The following DENND1A variants were observed in gnomAD, a reference collection of about 807,000 sequenced individuals.
DENND1A encodes DENN domain-containing protein 1A.
Under a neutral mutation model 113.7 loss-of-function variants are expected in DENND1A, and 51 were observed. The ratio of observed to expected loss-of-function variants is 0.45; its 90% confidence interval spans 0.36 to 0.57. The LOEUF (loss-of-function observed/expected upper bound fraction) is 0.57. Ranked by LOEUF, DENND1A falls within the 20% of genes least tolerant of loss-of-function variation. The pLI is 0.00. For missense variants in DENND1A, 1,258 were observed against 1,395.9 expected (o/e 0.90, Z 1.57); for synonymous variants, 565 against 570.8 (o/e 0.99, Z 0.14).
intron 1 of DENND1A, among the ~76,000 whole-genome samples, chr9:123,882,585 T>C (rs1848476238): frequency 6.6e-6 from 1 of 152,148 alleles, no homozygotes; most frequent in African/African-American, 2.4e-5. Flanking sequence ...ATCACTATCA[T>C]ATCACCTCGA....
At chr9:123,403,573 G>A (rs770651655) in intron 20 of DENND1A, 83 bp from the exon 21 acceptor site, 9 of 1,293,098 alleles carry the variant, frequency 7.0e-6, no homozygotes, top group South Asian at 1.3e-5. Context: ...TTGGATAAAC[G>A]GCCCCCCCAA....
At chr9:123,769,478 CTTT>C in intron 4 of DENND1A, 33 bp downstream of exon 4, 1 of 1,567,016 alleles carries the variant, frequency 6.4e-7, no homozygotes, top group Non-Finnish European at 8.7e-7. Context: ...TTTATTGATA[CTTT>C]TTTTCTAGTA....
At chr9:123,657,811 AG>A (rs2063038689) in intron 8 of DENND1A, among the ~76,000 whole-genome samples, 1 of 152,186 alleles carries the variant, frequency 6.6e-6, no homozygotes, top group Admixed American at 6.5e-5. Flanking sequence ...GATTCTTTAA[AG>A]GGAATTATAA....
At chr9:123,863,611 A>AG (rs1369282470) in intron 2 of DENND1A, among the ~76,000 whole-genome samples, 2 of 152,124 alleles carry the variant, frequency 1.3e-5, no homozygotes, top group African/African-American at 4.8e-5. Flanking sequence ...AAAAAAAAAA[A>AG]CAACTTTGGT....
At chr9:123,767,695 G>T (rs1829048432) in intron 4 of DENND1A, among the ~76,000 whole-genome samples, 1 of 152,006 alleles carries the variant, frequency 6.6e-6, no homozygotes, top group South Asian at 2.1e-4. Flanking sequence ...TGTGTTGGTG[G>T]GGAAGACAGA....
chr9:123,926,482 G>A (rs1365138929), intron 1 of DENND1A, among the ~76,000 whole-genome samples: 3 of 149,354 alleles, frequency 2.0e-5, no homozygotes, highest in Non-Finnish European at 4.4e-5. Context: ...CAGGAGAATC[G>A]CTTGAACCCG....
intron 6 of DENND1A, among the ~76,000 whole-genome samples, chr9:123,672,268 C>T (rs2063802669): frequency 1.3e-5 from 2 of 152,184 alleles, no homozygotes; most frequent in Admixed American, 6.5e-5. Context: ...ACCCAGACTA[C>T]AAGCTTGTTT....
At chr9:123,535,522 C>G (rs1452545658) in intron 13 of DENND1A, among the ~76,000 whole-genome samples, 29 of 152,212 alleles carry the variant, frequency 1.9e-4, no homozygotes. Context: ...CCTCTCTCGG[C>G]CTCTGTCTCC....
chr9:123,689,778 T>C (rs1021984187), intron 5 of DENND1A, among the ~76,000 whole-genome samples: 1 of 151,944 alleles, frequency 6.6e-6, no homozygotes, highest in Non-Finnish European at 1.5e-5. Flanking sequence ...AAGACCAGCC[T>C]GGGCAACATG....
At chr9:123,607,488 GACACACACAC>G (rs10557656) in intron 11 of DENND1A, among the ~76,000 whole-genome samples, 79 of 71,056 alleles carry the variant, frequency 1.1e-3, no homozygotes, top group Non-Finnish European at 1.8e-3. Context: ...CAGAGAGAGA[GACACACACAC>G]ACACACACAC....
chr9:123,861,353 G>A (rs972848838), intron 2 of DENND1A, among the ~76,000 whole-genome samples: 1 of 152,198 alleles, frequency 6.6e-6, no homozygotes, highest in Admixed American at 6.5e-5. Flanking sequence ...GATCACAGGA[G>A]CTTTCTTTTG....
At chr9:123,636,133 A>G (rs1328557452) in intron 9 of DENND1A, among the ~76,000 whole-genome samples, 1 of 152,130 alleles carries the variant, frequency 6.6e-6, no homozygotes, top group Non-Finnish European at 1.5e-5. Flanking sequence ...CCCAGCTGGA[A>G]TTCATGAGCT....
At position 123,664,313 on chromosome 9, in the gene DENND1A, G is replaced by A. The variant is rs185812717; in HGVS notation, c.507+2713C>T. On this transcript the variant is annotated intron_variant, in intron 8 of 23. Transcript: ENST00000394215. Reference sequence around the variant, plus strand: ...TATATTCATATTGCCTATTTCTCAGGCCAACTATCATTTGTCTTTTTCTAG... The same window carrying A: ...TATATTCATATTGCCTATTTCTCAGACCAACTATCATTTGTCTTTTTCTAG... Among the ~76,000 whole-genome samples, 11 of 152,052 alleles carry A rather than the reference G, an allele frequency of 7.2e-5. No homozygotes were observed. In the East Asian group the frequency reaches 2.1e-3, roughly 29 times the overall value.
At chr9:123,917,893 A>C (rs1251863686) in intron 1 of DENND1A, among the ~76,000 whole-genome samples, 1 of 150,036 alleles carries the variant, frequency 6.7e-6, no homozygotes, top group African/African-American at 2.5e-5. Flanking sequence ...GGCAGATCAC[A>C]AGGTCAGGAG....
chr9:123,752,880 C>A (rs968868838), intron 5 of DENND1A, among the ~76,000 whole-genome samples: 1 of 152,216 alleles, frequency 6.6e-6, no homozygotes, highest in Admixed American at 6.5e-5. Flanking sequence ...TCCGTAACTA[C>A]TGTTCTCCTA....
intron 13 of DENND1A, among the ~76,000 whole-genome samples, chr9:123,472,965 GGGGC>G (rs2049571474): frequency 6.6e-6 from 1 of 152,188 alleles, no homozygotes; most frequent in African/African-American, 2.4e-5. Flanking sequence ...CTCCTTGCCC[GGGGC>G]TGGGTCAGTG....
chr9:123,544,067 A>G (rs977504531), intron 13 of DENND1A, among the ~76,000 whole-genome samples: 3 of 151,956 alleles, frequency 2.0e-5, no homozygotes, highest in Admixed American at 6.6e-5. Context: ...TAATAAATAA[A>G]CCTTATATGA....
chr9:123,477,686 T>C (rs926745366), intron 13 of DENND1A, among the ~76,000 whole-genome samples: 3 of 151,622 alleles, frequency 2.0e-5, no homozygotes, highest in Non-Finnish European at 4.4e-5. Flanking sequence ...CAAACCACCA[T>C]GGCACACGTT....
chr9:123,792,726 T>C (rs1329677902), intron 2 of DENND1A, 96 bp from the exon 3 acceptor site: 2 of 1,415,278 alleles, frequency 1.4e-6, no homozygotes, highest in Non-Finnish European at 2.0e-6. Flanking sequence ...ATAGCAGCCC[T>C]GGCAGGGGAT....
Sources: allele counts gnomAD v4.1 joint callset (sites outside exome capture counted in the v4.1 genomes callset), GRCh38; gene constraint gnomAD v4.1.1; transcripts MANE v1.5; gene names NCBI Gene and HGNC (gene_info 2026-07-23, HGNC 2026-07-21).